ACAN: variants seen among roughly 807,000 people sequenced by gnomAD.
ACAN encodes the protein aggrecan core protein.
A neutral mutation model predicts 169.1 loss-of-function variants in ACAN; 47 were observed. The observed-to-expected ratio is 0.28, with a 90% CI of 0.22 to 0.35. ACAN has a LOEUF of 0.35. ACAN is among the 10% of genes least tolerant of loss of function. The probability of loss-of-function intolerance (pLI) is 1.00; values close to 1 mark genes in which losing one functional copy is unlikely to be tolerated. For missense variants in ACAN, 2,716 were observed against 2,759.9 expected (o/e 0.98, Z 0.36); for synonymous variants, 1,115 against 1,112.2 (o/e 1.00, Z -0.05).
intron 1 of ACAN, among the ~76,000 whole-genome samples, chr15:88,816,257 T>A (rs192291968): frequency 6.6e-6 from 1 of 152,356 alleles, no homozygotes; most frequent in African/African-American, 2.4e-5. Flanking sequence ...ACATAAGGTA[T>A]CTTTTTTTGG....
chr15:88,865,650 G>A (rs955925245), intron 13 of ACAN, among the ~76,000 whole-genome samples: 3 of 152,104 alleles, frequency 2.0e-5, no homozygotes, highest in Admixed American at 6.5e-5. Context: ...ATTGCCCAAA[G>A]CCCTTCCCTC....
intron 1 of ACAN, among the ~76,000 whole-genome samples, chr15:88,825,651 A>C (rs890568119): frequency 2.0e-5 from 3 of 152,224 alleles, no homozygotes; most frequent in Admixed American, 6.5e-5. Context: ...CAACAGGTCC[A>C]AGTCAAAGAG....
At position 88,865,468 on chromosome 15, in the gene ACAN, T is replaced by C. The variant is rs141899454; in HGVS notation, c.6947-2748T>C. Among the ~76,000 whole-genome samples, 607 of 151,608 alleles carry C rather than the reference T, an allele frequency of 4.0e-3. 33 individuals are homozygous for C. In the South Asian group the frequency reaches 0.1, roughly 25 times the overall value. ...CTGTTTTGTTTTTACATCTCAAACA[T>C]GTTAAAGAATTCACATGTTTTCTCA... On this transcript the variant is annotated intron_variant, in intron 13 of 18. Coordinates refer to ENST00000560601, the MANE Select transcript of ACAN (RefSeq NM_001369268.1).
In ACAN at chr15:88,870,615, C is replaced by A. The variant is rs939378447; in HGVS notation, c.7061-767C>A. On this transcript the variant is annotated intron_variant, in intron 14 of 18. Coordinates refer to ENST00000560601, the MANE Select transcript of ACAN (RefSeq NM_001369268.1). This position sits in a 1 kb window ranked among gnomAD's most constrained non-coding sequence, Gnocchi z 6.3. ...CAGCTCAGCATGGCTCCGCCTGTCCCCTAGGCTGTCCAAGAACTCCAAGCC... is the reference window on the plus strand; with the variant it reads ...CAGCTCAGCATGGCTCCGCCTGTCCACTAGGCTGTCCAAGAACTCCAAGCC... 6.6e-6 allele frequency among the ~76,000 whole-genome samples: 1 copy of A among 152,164 alleles called. No individual in the cohort carries two copies. The highest frequency in any genetic ancestry group is 2.4e-5 in the African/African-American group (1 of 41,424).
In ACAN at chr15:88,840,160, C is replaced by T. The variant is rs146033080; in HGVS notation, c.603C>T (p.Ala201=). Residue 201 remains alanine, a synonymous_variant, in exon 4 of 19, where the codon GCC becomes GCT. Coordinates refer to ENST00000560601, the MANE Select transcript of ACAN (RefSeq NM_001369268.1). ...AAGACGGCTTCCACCAGTGTGACGC[C>T]GGCTGGCTGGCTGACCAGACTGTCA... The part of the protein sequence containing the change: ...AYEDGFHQCD[A]GWLADQTVRY... 57 of 1,602,780 alleles carry T rather than the reference C, an allele frequency of 3.6e-5. No homozygotes were observed. In the East Asian group the frequency reaches 8.3e-4, roughly 23 times the overall value.
At position 88,857,215 on chromosome 15, in the gene ACAN, G is replaced by T. The variant is rs779949572; in HGVS notation, c.4630G>T (p.Asp1544Tyr). 2.5e-6 allele frequency: 4 copies of T among 1,613,884 alleles called. No individual in the cohort carries two copies. The highest frequency in any genetic ancestry group is 4.5e-5 in the East Asian group (2 of 44,884). ...VLEISASGFG[D>Y]LSGLPSGGEG... ...AGAGATTTCTGCCTCTGGATTTGGG[G>T]ACCTCAGTGGACTTCCTTCTGGAGG... The change falls in exon 12 of 19, where the codon GAC becomes TAC. Residue 1544 changes from aspartate to tyrosine, a missense_variant. Transcript: ENST00000560601.
chr15:88,844,956 G>A (rs968271921), intron 6 of ACAN, among the ~76,000 whole-genome samples: 2 of 152,010 alleles, frequency 1.3e-5, no homozygotes, highest in Admixed American at 6.5e-5. Context: ...TTTCCCCCTC[G>A]AAGCCTCTCT....
At position 88,858,177 on chromosome 15, in the gene ACAN, T is replaced by C; in HGVS notation, c.5592T>C (p.Asp1864=). Reference sequence around the variant, plus strand: ...GTGGCCTCCCTTCCGGAGAGGCAGATCTGTCAGGCAAATCTGGGATGGTGG... The same window carrying C: ...GTGGCCTCCCTTCCGGAGAGGCAGACCTGTCAGGCAAATCTGGGATGGTGG... ...ELSGLPSGEA[D]LSGKSGMVDV... The change falls in exon 12 of 19, where the codon GAT becomes GAC. Residue 1864 remains aspartate (D), a synonymous_variant. Transcript: ENST00000560601. The surrounding 1 kb of genome is among the most constrained non-coding windows in gnomAD (Gnocchi z 4.0). The C allele has an allele frequency of 1.2e-6, 2 of 1,613,914 alleles. No individual in the cohort carries two copies. The highest frequency in any genetic ancestry group is 8.5e-7 in the Non-Finnish European group (1 of 1,179,892).
rs184455607 is a variant in ACAN, at chr15:88,818,657, G to T, written c.-8+14848G>T. Among the ~76,000 whole-genome samples, 19 of 152,322 alleles carry T rather than the reference G, an allele frequency of 1.2e-4. No individual in the cohort carries two copies. The East Asian group carries it at 3.3e-3, about 26-fold the overall frequency. ...TAGTCTGACTCAGCAATGGAAGGCA[G>T]ATGGTTGTGTTGGACTCATTGGAAG... On this transcript the variant is annotated intron_variant, in intron 1 of 18. Coordinates refer to ENST00000560601, the MANE Select transcript of ACAN (RefSeq NM_001369268.1).
intron 2 of ACAN, among the ~76,000 whole-genome samples, chr15:88,837,708 A>G (rs74028474): frequency 0.055 from 8,409 of 152,236 alleles, 745 homozygotes; most frequent in African/African-American, 0.18. Context: ...GGAAGGGGCC[A>G]GTGGGACTGC....
intron 13 of ACAN, among the ~76,000 whole-genome samples, chr15:88,862,997 C>CAAAA (rs57598410): frequency 5.4e-5 from 4 of 73,792 alleles, no homozygotes; most frequent in South Asian, 4.9e-4. Context: ...CACTCGGTCT[C>CAAAA]AAAAAAAAAA....
intron 11 of ACAN, among the ~76,000 whole-genome samples, chr15:88,853,276 A>G (rs1896970403): frequency 6.6e-6 from 1 of 152,222 alleles, no homozygotes; most frequent in African/African-American, 2.4e-5. Flanking sequence ...GATTTCAGCC[A>G]TATCTGGGAA....
chr15:88,862,639 G>C (rs1019832525), intron 13 of ACAN, among the ~76,000 whole-genome samples: 2 of 152,116 alleles, frequency 1.3e-5, no homozygotes, highest in African/African-American at 4.8e-5. Context: ...TGCAGATAGT[G>C]GCCAGTCTTC....
rs8030631 is a variant in ACAN, at chr15:88,814,626, T to C, written c.-8+10817T>C. On this transcript the variant is annotated intron_variant, in intron 1 of 18. Coordinates refer to ENST00000560601, the MANE Select transcript of ACAN (RefSeq NM_001369268.1). The surrounding 1 kb of genome is among the most constrained non-coding windows in gnomAD (Gnocchi z 4.0). Reference sequence around the variant, plus strand: ...ATCACTCCAGAGGGCGCCATTCCATTGTGGTCCATGGGAATAGCGACTCCT... The same window carrying C: ...ATCACTCCAGAGGGCGCCATTCCATCGTGGTCCATGGGAATAGCGACTCCT... Among the ~76,000 whole-genome samples, 81,443 of 152,070 alleles carry C rather than the reference T, an allele frequency of 0.54. 22,463 individuals are homozygous for C. Among genetic ancestry groups the C allele is most frequent in the East Asian group, 0.91 (4,685 of 5,168 alleles).
At chr15:88,813,056 G>A (rs928786178) in intron 1 of ACAN, among the ~76,000 whole-genome samples, 1 of 152,150 alleles carries the variant, frequency 6.6e-6, no homozygotes, top group Non-Finnish European at 1.5e-5. Flanking sequence ...TTAATATGCT[G>A]ATGGACCTTG....
Position 88,814,004 on chromosome 15 carries a change from C to T in ACAN, c.-8+10195C>T, listed in dbSNP as rs1895881549. ...TACCTACATATTTATTCCTAGTTCC[C>T]CTCCTGATGACATCTAGTGCTTAGA... On this transcript the variant is annotated intron_variant, in intron 1 of 18. Transcript: ENST00000560601. The surrounding 1 kb of genome is among the most constrained non-coding windows in gnomAD (Gnocchi z 4.0). 6.6e-6 allele frequency among the ~76,000 whole-genome samples: 1 copy of T among 152,194 alleles called. No individual in the cohort carries two copies. The highest frequency in any genetic ancestry group is 2.4e-5 in the African/African-American group (1 of 41,454).
chr15:88,845,857 C>T lies in ACAN; in HGVS notation c.1404C>T (p.Val468=). Residue 468 remains valine (V), a synonymous_variant, in exon 7 of 19, where the codon GTC becomes GTT. Coordinates refer to ENST00000560601, the MANE Select transcript of ACAN (RefSeq NM_001369268.1). Reference sequence around the variant, plus strand: ...ACCTCGTCGTGCAGGTGACCGCTGTCCCTGGGCAGCCGCATTTGCCAGGGG... The same window carrying T: ...ACCTCGTCGTGCAGGTGACCGCTGTTCCTGGGCAGCCGCATTTGCCAGGGG... ...SEDLVVQVTA[V]PGQPHLPGGV... 1 of 1,460,502 alleles carries T rather than the reference C, an allele frequency of 6.8e-7. No homozygotes were observed. The highest frequency in any genetic ancestry group is 9.1e-7 in the Non-Finnish European group (1 of 1,102,604). 90.5% of individuals were successfully genotyped at this position (1,460,502 alleles called of 1,614,324 possible).
chr15:88,813,877 A>G (rs1895878728), intron 1 of ACAN, among the ~76,000 whole-genome samples: 1 of 152,040 alleles, frequency 6.6e-6, no homozygotes, highest in Admixed American at 6.5e-5. Flanking sequence ...CTCCAGAATA[A>G]TCTGCTTCTG....
chr15:88,838,904 C>A lies in ACAN; in HGVS notation c.312C>A (p.Val104=), dbSNP rs1870800931. 6.2e-7 allele frequency: 1 copy of A among 1,613,940 alleles called. No individual in the cohort carries two copies. Among genetic ancestry groups the A allele is most frequent in the Non-Finnish European group, 8.5e-7 (1 of 1,179,912 alleles). ...VRVNSAYQDK[V]SLPNYPAIPS... ...TCAACAGTGCCTATCAGGACAAGGT[C>A]TCACTGCCCAACTACCCGGCCATCC... Residue 104 remains valine (V), a synonymous_variant, in exon 3 of 19, where the codon GTC becomes GTA. Coordinates refer to ENST00000560601, the MANE Select transcript of ACAN (RefSeq NM_001369268.1). This position sits in a 1 kb window ranked among gnomAD's most constrained non-coding sequence, Gnocchi z 5.1.
Sources: gnomAD v4.1 joint callset for allele counts (sites outside exome capture counted in the v4.1 genomes callset) on GRCh38, gnomAD v4.1.1 for gene constraint, Gnocchi (gnomAD v3.1) non-coding constraint, MANE v1.5 for transcripts, NCBI Gene and HGNC (gene_info 2026-07-23, HGNC 2026-07-21) for gene names.